COG5: variants seen among roughly 807,000 people sequenced by gnomAD.
COG5 encodes the protein conserved oligomeric Golgi complex subunit 5.
A neutral mutation model predicts 110.4 loss-of-function variants in COG5; 86 were observed. That is an observed-to-expected ratio of 0.78 (90% CI 0.65 to 0.93). COG5 has a LOEUF of 0.93. COG5 is among the 40% of genes least tolerant of loss of function. The pLI is 0.00. For missense variants in COG5, 1,077 were observed against 987.0 expected (o/e 1.09, Z -1.22); for synonymous variants, 360 against 334.6 (o/e 1.08, Z -0.83).
chr7:107,298,030 T>A (rs1162912370), intron 12 of COG5, 112 bp downstream of exon 12: 12 of 449,166 alleles, frequency 2.7e-5, no homozygotes, highest in Non-Finnish European at 4.3e-5. Flanking sequence ...CTACAAATAT[T>A]TAGAGACTTG....
At chr7:107,451,879 G>A (rs1795361916) in intron 6 of COG5, among the ~76,000 whole-genome samples, 1 of 152,046 alleles carries the variant, frequency 6.6e-6, no homozygotes, top group Admixed American at 6.6e-5. Flanking sequence ...TTGGCTATTA[G>A]CAGTTAAGTT....
chr7:107,518,673 AC>A (rs1277228575), intron 6 of COG5, among the ~76,000 whole-genome samples: 4 of 152,166 alleles, frequency 2.6e-5, no homozygotes, highest in African/African-American at 9.7e-5. Context: ...GTTCTTAGAG[AC>A]CTACAAAGAG....
At chr7:107,357,813 T>C (rs1228985312) in intron 10 of COG5, among the ~76,000 whole-genome samples, 4 of 152,150 alleles carry the variant, frequency 2.6e-5, no homozygotes, top group Admixed American at 2.0e-4. Flanking sequence ...GAACTACAGG[T>C]GTACACTACC....
intron 6 of COG5, among the ~76,000 whole-genome samples, chr7:107,521,274 A>G (rs987238736): frequency 6.6e-6 from 1 of 152,234 alleles, no homozygotes; most frequent in African/African-American, 2.4e-5. Flanking sequence ...CAAATGCAAC[A>G]AAAACAAAAA....
intron 6 of COG5, among the ~76,000 whole-genome samples, chr7:107,497,181 A>G (rs999980629): frequency 6.6e-6 from 1 of 152,136 alleles, no homozygotes; most frequent in Non-Finnish European, 1.5e-5. Flanking sequence ...CTGCCACTGC[A>G]CTCCAGCTTG....
At chr7:107,438,115 G>C (rs931916907) in intron 6 of COG5, among the ~76,000 whole-genome samples, 1 of 152,036 alleles carries the variant, frequency 6.6e-6, no homozygotes, top group Non-Finnish European at 1.5e-5. Context: ...TAGTGGACCA[G>C]AAAAAGAGAA....
chr7:107,519,205 T>G (rs1204932709), intron 6 of COG5, among the ~76,000 whole-genome samples: 2 of 151,750 alleles, frequency 1.3e-5, no homozygotes, highest in South Asian at 2.1e-4. Flanking sequence ...GCAGGAAAGA[T>G]CTAAAATCGA....
intron 6 of COG5, among the ~76,000 whole-genome samples, chr7:107,442,310 G>A (rs1194743314): frequency 2.6e-5 from 4 of 152,112 alleles, no homozygotes; most frequent in Non-Finnish European, 5.9e-5. Flanking sequence ...GGCTTCCCTA[G>A]AAGCAGAAGA....
chr7:107,230,762 C>T (rs2116404583), intron 18 of COG5, 71 bp from the exon 19 acceptor site: 1 of 1,213,248 alleles, frequency 8.2e-7, no homozygotes, highest in South Asian at 1.2e-5. Flanking sequence ...AGACCCGGAT[C>T]ACAGAAAGTT....
In COG5 at chr7:107,283,667, GA is replaced by G; in HGVS notation, c.1378del (p.Ser460LeufsTer31). ...YEAAYLSKSL[S>X]RLFDPINLVF... ...CAAGTTGATAGGATCGAAGAGTCGA[GA>G]TAAGGATTTTGATAGATAAGCAGCC... On this transcript the variant is annotated frameshift_variant, in exon 13 of 22. Coordinates refer to ENST00000297135, the MANE Select transcript of COG5 (RefSeq NM_006348.5). LOFTEE classifies it high-confidence loss of function. 2 of 1,613,942 alleles carry G rather than the reference GA, an allele frequency of 1.2e-6. No individual in the cohort carries two copies. Among genetic ancestry groups the G allele is most frequent in the Non-Finnish European group, 1.7e-6 (2 of 1,179,872 alleles).
At chr7:107,513,858 T>C (rs999500242) in intron 6 of COG5, among the ~76,000 whole-genome samples, 5 of 141,954 alleles carry the variant, frequency 3.5e-5, no homozygotes, top group African/African-American at 1.1e-4. Flanking sequence ...TGAGAACACA[T>C]GGACACAGGA....
intron 6 of COG5, among the ~76,000 whole-genome samples, chr7:107,508,859 C>A (rs1348555008): frequency 6.6e-6 from 1 of 152,112 alleles, no homozygotes; most frequent in East Asian, 1.9e-4. Context: ...AGGAAAACTA[C>A]CAAACAGAAA....
intron 10 of COG5, among the ~76,000 whole-genome samples, chr7:107,351,323 G>C (rs1186215868): frequency 6.6e-6 from 1 of 152,158 alleles, no homozygotes; most frequent in African/African-American, 2.4e-5. Flanking sequence ...ATGGATTAAA[G>C]ACTTACATGT....
chr7:107,486,963 C>T (rs1797690284), intron 6 of COG5, among the ~76,000 whole-genome samples: 1 of 151,558 alleles, frequency 6.6e-6, no homozygotes, highest in South Asian at 2.1e-4. Flanking sequence ...CTAAGTTATA[C>T]CAAAAAAATA....
At chr7:107,210,023 G>C (rs1007084480) in intron 21 of COG5, 1 of 1,010,326 alleles carries the variant, frequency 9.9e-7, no homozygotes, top group Admixed American at 5.2e-5. Context: ...GTGGGCAAGA[G>C]CACATGCGTA....
At chr7:107,226,222 C>T (rs1165096321) in intron 19 of COG5, among the ~76,000 whole-genome samples, 2 of 152,112 alleles carry the variant, frequency 1.3e-5, no homozygotes, top group African/African-American at 4.8e-5. Flanking sequence ...TTTATTCAGG[C>T]AATCTCCTAC....
At chr7:107,285,643 C>T (rs1234291458) in intron 12 of COG5, among the ~76,000 whole-genome samples, 1 of 152,072 alleles carries the variant, frequency 6.6e-6, no homozygotes, top group East Asian at 1.9e-4. Flanking sequence ...TATTAAGTCA[C>T]TACAATATTT....
intron 5 of COG5, 75 bp from the exon 6 acceptor site, chr7:107,527,432 A>G (rs1355314924): frequency 2.0e-6 from 3 of 1,530,376 alleles, no homozygotes; most frequent in Non-Finnish European, 2.7e-6. Flanking sequence ...AATAACAAGC[A>G]CAGTGGGTTG....
At chr7:107,362,571 T>C (rs1813219856) in intron 8 of COG5, 151 bp from the exon 9 acceptor site, 2 of 643,528 alleles carry the variant, frequency 3.1e-6, no homozygotes, top group Non-Finnish European at 5.5e-6. Flanking sequence ...TAACCTTTTA[T>C]GCTTAAGAAA....
Sources: allele counts gnomAD v4.1 joint callset (sites outside exome capture counted in the v4.1 genomes callset), GRCh38; gene constraint gnomAD v4.1.1; transcripts MANE v1.5; gene names NCBI Gene and HGNC (gene_info 2026-07-23, HGNC 2026-07-21).